The following PLXDC1 variants were observed in gnomAD, a reference collection of about 807,000 sequenced individuals.
The protein encoded by PLXDC1 is plexin domain-containing protein 1.
PLXDC1 carries 39 observed loss-of-function variants against 61.3 expected under a neutral mutation model. The ratio of observed to expected loss-of-function variants is 0.64; its 90% CI spans 0.49 to 0.83. The LOEUF is 0.83. Among genes scored for constraint, PLXDC1 ranks in the 40% least tolerant of loss-of-function variants. The pLI is 0.00. For synonymous variants in PLXDC1, 212 were observed against 254.5 expected, an observed-to-expected ratio of 0.83 and a Z score of 1.59; for missense variants, 596 against 666.5, an observed-to-expected ratio of 0.89 and a Z score of 1.17.
At chr17:39,128,913 G>A (rs1296082577) in intron 2 of PLXDC1, among the ~76,000 whole-genome samples, 1 of 152,096 alleles carries the variant, frequency 6.6e-6, no homozygotes, top group Non-Finnish European at 1.5e-5. Context: ...GGGAGGCTGA[G>A]GCAGGAGAAT....
Position 39,086,859 on chromosome 17 carries a change from C to CAAAAA in PLXDC1, c.907+743_907+747dup, listed in dbSNP as rs765774886. Among the ~76,000 whole-genome samples the CAAAAA allele has an allele frequency of 2.8e-4, 20 of 71,410 alleles. 2 individuals are homozygous for CAAAAA. The highest frequency in any genetic ancestry group is 7.0e-4 in the Admixed American group (3 of 4,266). The allele number at this position is 71,410 out of a possible 152,430, so 46.8% of individuals were successfully genotyped here. On this transcript the variant is annotated intron_variant, in intron 8 of 13. Transcript: ENST00000315392. ...CCTGGGCAACAGAGTGAGACTGTCTCAAAAAAAAAAAAAAAAAAAAAGAAG... is the reference window on the plus strand; with the variant it reads ...CCTGGGCAACAGAGTGAGACTGTCTCAAAAAAAAAAAAAAAAAAAAAAAAAAGAAG...
chr17:39,078,930 A>T (rs1347609209), intron 10 of PLXDC1, among the ~76,000 whole-genome samples, 174 bp downstream of exon 10: 1 of 152,200 alleles, frequency 6.6e-6, no homozygotes. Context: ...AAACCTTCCA[A>T]AGTGGGTCTG....
In PLXDC1 at chr17:39,151,382, A is replaced by G. The variant is rs1471928851; in HGVS notation, c.56T>C (p.Leu19Pro). 5 of 1,291,862 alleles carry G rather than the reference A, an allele frequency of 3.9e-6. No homozygotes were observed. The East Asian group carries it at 1.2e-4, about 32-fold the overall frequency. The allele number at this position is 1,291,862 out of a possible 1,614,324, so 80.0% of individuals were successfully genotyped here. ...VLVLREAARA[L>P]SPQPGAGHDE... is the part of the protein sequence containing the mutation. Reference sequence around the variant, plus strand: ...CCTACCTGCTCCGGGCTGGGGGCTCAGCGCCCGGGCAGCCTCCCTGAGCAC... The same window carrying G: ...CCTACCTGCTCCGGGCTGGGGGCTCGGCGCCCGGGCAGCCTCCCTGAGCAC... Residue 19 changes from leucine (L) to proline (P), a missense_variant, in exon 1 of 14, where the codon CTG (leucine) becomes CCG (proline). Leu to Pro is a moderately conservative substitution (Grantham distance 98). Coordinates refer to ENST00000315392, the MANE Select transcript of PLXDC1 (RefSeq NM_020405.5). This position sits in a 1 kb window ranked among gnomAD's most constrained non-coding sequence, Gnocchi z 5.2.
chr17:39,089,632 C>T (rs1469795817), intron 7 of PLXDC1, among the ~76,000 whole-genome samples: 1 of 152,118 alleles, frequency 6.6e-6, no homozygotes, highest in Non-Finnish European at 1.5e-5. Context: ...GTTTCTCGCT[C>T]GGCTGAAGGT....
At chr17:39,119,724 G>A (rs897221006) in intron 2 of PLXDC1, among the ~76,000 whole-genome samples, 1 of 152,014 alleles carries the variant, frequency 6.6e-6, no homozygotes, top group Non-Finnish European at 1.5e-5. Flanking sequence ...CAGCCTGGGC[G>A]ACAGAGTGAG....
At chr17:39,149,466 A>C (rs1316845740) in intron 1 of PLXDC1, among the ~76,000 whole-genome samples, 1 of 152,162 alleles carries the variant, frequency 6.6e-6, no homozygotes, top group African/African-American at 2.4e-5. Flanking sequence ...TGGCCTGTGA[A>C]AAGGGCACCG....
At position 39,139,798 on chromosome 17, in the gene PLXDC1, G is replaced by A. The variant is rs1234729857; in HGVS notation, c.111C>T (p.Ala37=). 6.2e-7 allele frequency: 1 copy of A among 1,612,856 alleles called. No homozygotes were observed. The highest frequency in any genetic ancestry group is 1.3e-5 in the African/African-American group (1 of 75,024). The change falls in exon 2 of 14, where the codon GCC becomes GCT. Residue 37 remains alanine (A), a synonymous_variant. Coordinates refer to ENST00000315392, the MANE Select transcript of PLXDC1 (RefSeq NM_020405.5). ...HDEGPGSGWA[A]KGTVRGWNRR... is the part of the protein sequence containing the mutation. ...GGTTCCAGCCCCGCACGGTCCCTTT[G>A]GCAGCCCATCCAGAGCCTGGGCCCT... is the stretch of plus-strand genomic sequence containing the variant.
At chr17:39,080,057 C>T (rs551086776) in intron 9 of PLXDC1, 1 of 159,384 alleles carries the variant, frequency 6.3e-6, no homozygotes, top group African/African-American at 2.4e-5. Context: ...CTGTCAGGTC[C>T]TCTATGCCCA....
Position 39,151,595 on chromosome 17 carries a change from G to A in PLXDC1, c.-158C>T, listed in dbSNP as rs957384858. 2.9e-5 allele frequency: 34 copies of A among 1,159,588 alleles called. No homozygotes were observed. The African/African-American group carries it at 5.0e-4, about 17-fold the overall frequency. 71.8% of individuals were successfully genotyped at this position (1,159,588 alleles called of 1,614,324 possible). On this transcript the variant is annotated 5_prime_UTR_variant, in exon 1 of 14. Transcript: ENST00000315392. This position sits in a 1 kb window ranked among gnomAD's most constrained non-coding sequence, Gnocchi z 5.2. ...CGGGGCCGGGCGAGCCGGCAGGAGC[G>A]GCGAGAGCGCGAGCGGAGCTGGAGG...
chr17:39,142,857 G>A (rs967717711), intron 1 of PLXDC1, among the ~76,000 whole-genome samples: 5 of 152,144 alleles, frequency 3.3e-5, no homozygotes, highest in African/African-American at 1.2e-4. Flanking sequence ...CTAACAAAAG[G>A]CCGGGCGTGG....
At chr17:39,133,763 C>T (rs1911640347) in intron 2 of PLXDC1, among the ~76,000 whole-genome samples, 2 of 152,134 alleles carry the variant, frequency 1.3e-5, no homozygotes, top group South Asian at 2.1e-4. Flanking sequence ...AGACTACAGG[C>T]GTGCACCACC....
chr17:39,148,105 G>A (rs751396807), intron 1 of PLXDC1, among the ~76,000 whole-genome samples: 8 of 152,072 alleles, frequency 5.3e-5, no homozygotes, highest in Non-Finnish European at 1.0e-4. Flanking sequence ...TCTGGGGAGA[G>A]CTAGAGAAGA....
At chr17:39,128,532 A>T (rs918123441) in intron 2 of PLXDC1, among the ~76,000 whole-genome samples, 27 of 151,560 alleles carry the variant, frequency 1.8e-4, no homozygotes, top group Non-Finnish European at 2.1e-4. Flanking sequence ...ATAATTTTTT[A>T]AAAAAGGGAA....
chr17:39,101,516 A>T (rs1351199342), intron 7 of PLXDC1, among the ~76,000 whole-genome samples: 1 of 152,156 alleles, frequency 6.6e-6, no homozygotes, highest in East Asian at 1.9e-4. Context: ...GTGAGGTGCG[A>T]GCCCCACACT....
At chr17:39,075,694 A>G (rs1909300190) in intron 11 of PLXDC1, among the ~76,000 whole-genome samples, 1 of 152,218 alleles carries the variant, frequency 6.6e-6, no homozygotes, top group African/African-American at 2.4e-5. Context: ...GATGCTTTCT[A>G]TCATTCATTC....
intron 7 of PLXDC1, among the ~76,000 whole-genome samples, chr17:39,090,193 C>G (rs1266129291): frequency 6.6e-6 from 1 of 152,202 alleles, no homozygotes. Context: ...AAAGCATGCT[C>G]TCTTCCCAAC....
At chr17:39,069,014 G>T (rs943237830) in intron 13 of PLXDC1, among the ~76,000 whole-genome samples, 12 of 152,210 alleles carry the variant, frequency 7.9e-5, no homozygotes, top group Non-Finnish European at 1.6e-4. Flanking sequence ...TGCCCCTCAG[G>T]CTGGCTCTTC....
upstream of PLXDC1, chr17:39,152,743 A>T: frequency 6.2e-6 from 7 of 1,137,928 alleles, no homozygotes; most frequent in Non-Finnish European, 7.8e-6. Flanking sequence ...TGTGGGCTGG[A>T]AGAGACGGAT....
chr17:39,106,210 C>T (rs1257091079), intron 6 of PLXDC1, among the ~76,000 whole-genome samples: 1 of 152,076 alleles, frequency 6.6e-6, no homozygotes, highest in East Asian at 1.9e-4. Flanking sequence ...TTTTCCCTTC[C>T]CTTTCTTTCA....
Sources: allele counts gnomAD v4.1 joint callset (sites outside exome capture counted in the v4.1 genomes callset), GRCh38; gene constraint gnomAD v4.1.1; non-coding constraint Gnocchi (gnomAD v3.1); transcripts MANE v1.5; gene names NCBI Gene and HGNC (gene_info 2026-07-23, HGNC 2026-07-21).